CNTN5: variants seen among roughly 807,000 people sequenced by gnomAD.
CNTN5 encodes contactin 5, also known as contactin-5.
CNTN5 carries 77 observed loss-of-function variants against 129.1 expected under a neutral mutation model. The ratio of observed to expected loss-of-function variants is 0.60; its 90% CI spans 0.50 to 0.72. CNTN5 has a LOEUF of 0.72. CNTN5 is among the 30% of genes least tolerant of loss of function. CNTN5 has a pLI of 0.00. For synonymous variants in CNTN5, 509 were observed against 465.6 expected (o/e 1.09, Z -1.20); for missense variants, 1,478 against 1,328.8 (o/e 1.11, Z -1.75).
chr11:100,080,848 ATATC>A (rs1404695422), intron 13 of CNTN5, among the ~76,000 whole-genome samples: 1 of 152,196 alleles, frequency 6.6e-6, no homozygotes, highest in African/African-American at 2.4e-5. Context: ...ATGTGAATTA[ATATC>A]TATGTTTTCA....
chr11:99,519,632 A>G lies in CNTN5; in HGVS notation c.-70-36513A>G, dbSNP rs17133673. 3.3e-3 allele frequency among the ~76,000 whole-genome samples: 498 copies of G among 152,184 alleles called. 7 individuals carry two copies. Among genetic ancestry groups the G allele is most frequent in the East Asian group, 0.023 (118 of 5,184 alleles). On this transcript the variant is annotated intron_variant, in intron 2 of 24. Transcript: ENST00000524871. ...TCACAGTATTATTTCTACTTTTATCATATATTAAAACAGTTATTAATAGAT... is the reference window on the plus strand; with the variant it reads ...TCACAGTATTATTTCTACTTTTATCGTATATTAAAACAGTTATTAATAGAT...
chr11:99,309,151 CT>C (rs1034030564), intron 1 of CNTN5, among the ~76,000 whole-genome samples: 36 of 150,354 alleles, frequency 2.4e-4, no homozygotes, highest in Non-Finnish European at 4.7e-4. Flanking sequence ...AATCTTATCA[CT>C]TTTTATTAAT....
At chr11:99,822,444 CA>C (rs1310853277) in intron 4 of CNTN5, among the ~76,000 whole-genome samples, 3 of 151,888 alleles carry the variant, frequency 2.0e-5, no homozygotes, top group Non-Finnish European at 4.4e-5. Context: ...GGATAGACCT[CA>C]AAATAGAGAG....
At chr11:99,410,471 A>G (rs929239229) in intron 2 of CNTN5, among the ~76,000 whole-genome samples, 7 of 152,204 alleles carry the variant, frequency 4.6e-5, no homozygotes, top group Non-Finnish European at 8.8e-5. Context: ...AACATGCTAG[A>G]TGCCTGATGT....
At chr11:100,297,984 T>A (rs963252958) in intron 19 of CNTN5, among the ~76,000 whole-genome samples, 11 of 151,488 alleles carry the variant, frequency 7.3e-5, no homozygotes, top group Admixed American at 1.3e-4. Flanking sequence ...ATTACAAAAT[T>A]TGTGTCATTT....
At chr11:99,360,215 T>C (rs146853326) in intron 2 of CNTN5, among the ~76,000 whole-genome samples, 155 of 152,302 alleles carry the variant, frequency 1.0e-3, no homozygotes, top group African/African-American at 3.4e-3. Flanking sequence ...CACTTTGGCT[T>C]TGCTGGAGGC....
At chr11:100,231,999 C>A (rs1204542664) in intron 16 of CNTN5, among the ~76,000 whole-genome samples, 1 of 151,926 alleles carries the variant, frequency 6.6e-6, no homozygotes, top group South Asian at 2.1e-4. Context: ...ACTAAAAATA[C>A]AAAAATTATC....
intron 4 of CNTN5, 21 bp downstream of exon 4, chr11:99,819,786 G>A: frequency 5.3e-6 from 1 of 187,462 alleles, no homozygotes; most frequent in Non-Finnish European, 7.4e-6. Context: ...AAGGAAAATG[G>A]CTCCAGATAG....
intron 18 of CNTN5, among the ~76,000 whole-genome samples, chr11:100,288,044 A>G (rs1950840140): frequency 6.6e-6 from 1 of 152,112 alleles, no homozygotes; most frequent in African/African-American, 2.4e-5. Flanking sequence ...GATCAATTCA[A>G]CAAGAAGAGC....
At chr11:100,052,802 T>A (rs1943023950) in intron 9 of CNTN5, among the ~76,000 whole-genome samples, 1 of 151,744 alleles carries the variant, frequency 6.6e-6, no homozygotes, top group African/African-American at 2.4e-5. Flanking sequence ...AATTTAAAGA[T>A]TTACTCAATA....
At chr11:99,745,390 C>T (rs1362201006) in intron 3 of CNTN5, among the ~76,000 whole-genome samples, 1 of 152,096 alleles carries the variant, frequency 6.6e-6, no homozygotes. Flanking sequence ...GCTCGGTGTT[C>T]ATTTATCTAC....
chr11:99,031,430 G>T (rs1314325355), intron 1 of CNTN5, among the ~76,000 whole-genome samples: 3 of 151,970 alleles, frequency 2.0e-5, no homozygotes, highest in African/African-American at 7.2e-5. Flanking sequence ...ATAGTAGAAA[G>T]AAATGGAAGA....
At chr11:100,328,227 A>C (rs116732569) in intron 21 of CNTN5, among the ~76,000 whole-genome samples, 2,927 of 152,040 alleles carry the variant, frequency 0.019, 94 homozygotes, top group African/African-American at 0.065. Context: ...GTGTTGGCGC[A>C]CACCTGTAGT....
intron 3 of CNTN5, among the ~76,000 whole-genome samples, chr11:99,734,254 A>G (rs1241577514): frequency 1.3e-5 from 2 of 152,158 alleles, no homozygotes; most frequent in Admixed American, 1.3e-4. Context: ...ATCCAATTAT[A>G]TTCTTACTGT....
intron 3 of CNTN5, among the ~76,000 whole-genome samples, chr11:99,738,616 C>CGTGTGTGTGTGT (rs113729274): frequency 0.026 from 3,765 of 142,880 alleles, 58 homozygotes; most frequent in East Asian, 0.05. Context: ...AAGACAGTAA[C>CGTGTGTGTGTGT]GTGTGTGTGT....
At chr11:100,167,048 A>C (rs1591345147) in intron 13 of CNTN5, among the ~76,000 whole-genome samples, 1 of 151,914 alleles carries the variant, frequency 6.6e-6, no homozygotes, top group East Asian at 1.9e-4. Flanking sequence ...TGCATGATTC[A>C]TGGAGGAATT....
intron 18 of CNTN5, among the ~76,000 whole-genome samples, chr11:100,275,365 G>A (rs1447560043): frequency 6.6e-6 from 1 of 152,202 alleles, no homozygotes; most frequent in African/African-American, 2.4e-5. Context: ...TGCAGCTACT[G>A]AAATGACTGC....
intron 7 of CNTN5, among the ~76,000 whole-genome samples, chr11:99,935,127 ATATT>A (rs1157977475): frequency 6.6e-6 from 1 of 151,354 alleles, no homozygotes; most frequent in Admixed American, 6.6e-5. Flanking sequence ...CGATATAAAA[ATATT>A]AATAAATTAG....
intron 4 of CNTN5, among the ~76,000 whole-genome samples, chr11:99,837,128 T>C (rs1325412214): frequency 1.3e-5 from 2 of 152,174 alleles, no homozygotes; most frequent in Non-Finnish European, 1.5e-5. Context: ...TGCAGCTCAG[T>C]AGGTCTCAGT....
Sources: allele counts gnomAD v4.1 joint callset (sites outside exome capture counted in the v4.1 genomes callset), GRCh38; gene constraint gnomAD v4.1.1; transcripts MANE v1.5; gene names NCBI Gene and HGNC (gene_info 2026-07-23, HGNC 2026-07-21).